The following GABBR2 variants were observed in gnomAD, a reference collection of about 807,000 sequenced individuals.
The protein encoded by GABBR2 is gamma-aminobutyric acid type B receptor subunit 2, also known as G-protein coupled receptor 51.
A neutral mutation model predicts 105.6 loss-of-function variants in GABBR2; 23 were observed. The ratio of observed to expected loss-of-function variants is 0.22; its 90% CI spans 0.16 to 0.31. GABBR2 has a LOEUF of 0.31. GABBR2 is among the 10% of genes least tolerant of loss of function. The pLI is 1.00. For synonymous variants in GABBR2, 478 were observed against 499.7 expected (o/e 0.96, Z 0.58); for missense variants, 734 against 1,245.5 (o/e 0.59, Z 6.18).
intron 17 of GABBR2, among the ~76,000 whole-genome samples, chr9:98,295,362 G>A (rs1168202387): frequency 1.3e-5 from 2 of 152,156 alleles, no homozygotes; most frequent in African/African-American, 4.8e-5. Flanking sequence ...TGTTTAAAAT[G>A]GCCCCCAAGC....
At chr9:98,604,372 C>T (rs1327238368) in intron 1 of GABBR2, among the ~76,000 whole-genome samples, 3 of 152,214 alleles carry the variant, frequency 2.0e-5, no homozygotes, top group African/African-American at 4.8e-5. Context: ...TGCAGGTTCA[C>T]CGAAGTTCTC....
intron 7 of GABBR2, among the ~76,000 whole-genome samples, chr9:98,446,707 G>A (rs1307694663): frequency 2.8e-4 from 42 of 152,140 alleles, no homozygotes; most frequent in Non-Finnish European, 1.5e-5. Context: ...TTGCTCCCGG[G>A]CAGCAGACAA....
At chr9:98,637,709 T>TGGAAAA (rs1829899314) in intron 1 of GABBR2, among the ~76,000 whole-genome samples, 1 of 152,108 alleles carries the variant, frequency 6.6e-6, no homozygotes, top group Admixed American at 6.6e-5. Flanking sequence ...TTCTAGAAGC[T>TGGAAAA]GGAAAAGGCA....
intron 3 of GABBR2, among the ~76,000 whole-genome samples, chr9:98,537,732 TG>T (rs1828210418): frequency 6.6e-6 from 1 of 152,100 alleles, no homozygotes. Context: ...CCACCACACC[TG>T]GCCAACATAA....
intron 3 of GABBR2, among the ~76,000 whole-genome samples, chr9:98,539,909 C>A (rs576102743): frequency 2.4e-5 from 3 of 124,190 alleles, no homozygotes; most frequent in African/African-American, 3.2e-5. Context: ...AGTGAGACTT[C>A]GTCTAAAAAA....
intron 13 of GABBR2, among the ~76,000 whole-genome samples, chr9:98,323,438 T>G (rs1034082551): frequency 2.0e-5 from 3 of 152,206 alleles, no homozygotes; most frequent in African/African-American, 7.2e-5. Context: ...TCCCCATAGT[T>G]CCTGCCTGGC....
intron 8 of GABBR2, among the ~76,000 whole-genome samples, chr9:98,397,359 C>G (rs909526646): frequency 2.0e-5 from 3 of 152,164 alleles, no homozygotes; most frequent in Admixed American, 6.5e-5. Flanking sequence ...ACAAACATTA[C>G]TGGACACCCA....
At chr9:98,323,683 C>G (rs1830866116) in intron 13 of GABBR2, among the ~76,000 whole-genome samples, 1 of 152,226 alleles carries the variant, frequency 6.6e-6, no homozygotes, top group Admixed American at 6.5e-5. Flanking sequence ...CCAGCCTAGA[C>G]CTTGAGGCAG....
At chr9:98,368,898 G>A (rs571069190) in intron 12 of GABBR2, among the ~76,000 whole-genome samples, 13 of 152,280 alleles carry the variant, frequency 8.5e-5, no homozygotes, top group South Asian at 6.2e-4. Flanking sequence ...AAGGATTCCC[G>A]TTCATTAGGG....
At chr9:98,417,516 C>T (rs1832710127) in intron 7 of GABBR2, among the ~76,000 whole-genome samples, 1 of 152,142 alleles carries the variant, frequency 6.6e-6, no homozygotes, top group African/African-American at 2.4e-5. Flanking sequence ...GTTCTAGTCC[C>T]AGTTCTGTCC....
intron 1 of GABBR2, among the ~76,000 whole-genome samples, chr9:98,669,471 C>A (rs1310567744): frequency 6.6e-6 from 1 of 152,118 alleles, no homozygotes; most frequent in African/African-American, 2.4e-5. Flanking sequence ...AAATTCAGTT[C>A]TTCTCAATCA....
At chr9:98,295,593 T>G (rs1830367561) in intron 17 of GABBR2, among the ~76,000 whole-genome samples, 1 of 152,146 alleles carries the variant, frequency 6.6e-6, no homozygotes, top group East Asian at 1.9e-4. Context: ...GGTGCCATCT[T>G]GGGCTCACTG....
At chr9:98,405,061 T>C (rs1366303449) in intron 8 of GABBR2, among the ~76,000 whole-genome samples, 1 of 152,128 alleles carries the variant, frequency 6.6e-6, no homozygotes, top group East Asian at 1.9e-4. Context: ...AAATGCATAC[T>C]GAAGTATTTA....
rs185459570 is a variant in GABBR2, at chr9:98,336,896, C to T, written c.1894-25691G>A. ...GATATAAGTAGGTTGAAAGTCTATC[C>T]GAGAATTTTTTGGCTATTCAGGAAA... On this transcript the variant is annotated intron_variant, in intron 13 of 18. Transcript: ENST00000259455. Among the ~76,000 whole-genome samples, 193 of 152,026 alleles carry T rather than the reference C, an allele frequency of 1.3e-3. 1 individual carries two copies. Among genetic ancestry groups the T allele is most frequent in the African/African-American group, 4.4e-3 (182 of 41,436 alleles).
At chr9:98,658,804 T>C (rs879697380) in intron 1 of GABBR2, among the ~76,000 whole-genome samples, 1 of 152,154 alleles carries the variant, frequency 6.6e-6, no homozygotes, top group Non-Finnish European at 1.5e-5. Context: ...ACAAGCCACG[T>C]TAGTACTAGT....
At chr9:98,383,531 A>G (rs898302797) in intron 11 of GABBR2, among the ~76,000 whole-genome samples, 10 of 152,202 alleles carry the variant, frequency 6.6e-5, no homozygotes, top group African/African-American at 2.4e-4. Flanking sequence ...GGGGTTTGAC[A>G]GTCATGCAGG....
At position 98,293,912 on chromosome 9, in the gene GABBR2, AAAC is replaced by A. The variant is rs764339496; in HGVS notation, c.2543-13_2543-11del. 9.8e-6 allele frequency: 14 copies of A among 1,423,918 alleles called. No individual in the cohort carries two copies. The highest frequency in any genetic ancestry group is 6.8e-5 in the East Asian group (3 of 44,026). The allele number at this position is 1,423,918 out of a possible 1,614,324, so 88.2% of individuals were successfully genotyped here. A position where few individuals can be genotyped will look rare whatever the true frequency, so the allele number is the denominator to read the frequency against. ...ATGGCCTTTCCTCCATCTGAATGCA[AAAC>A]AACAATACCACAACATGTTCGGTTA... On this transcript the variant is annotated splice_polypyrimidine_tract_variant and intron_variant, in intron 17 of 18. Transcript: ENST00000259455.
At chr9:98,405,934 G>A (rs1832482084) in intron 8 of GABBR2, 147 bp downstream of exon 8, 1 of 612,528 alleles carries the variant, frequency 1.6e-6, no homozygotes, top group Non-Finnish European at 2.9e-6. Flanking sequence ...TGAAACTAAT[G>A]TTTTCAGAAA....
intron 2 of GABBR2, among the ~76,000 whole-genome samples, chr9:98,554,369 AAAAGAAAAG>A (rs1463173524): frequency 6.6e-6 from 1 of 152,234 alleles, no homozygotes; most frequent in African/African-American, 2.4e-5. Context: ...GAAAGAAAGA[AAAAGAAAAG>A]AAAGAAAAGA....
Sources: gnomAD v4.1 joint callset for allele counts (sites outside exome capture counted in the v4.1 genomes callset) on GRCh38, gnomAD v4.1.1 for gene constraint, MANE v1.5 for transcripts, NCBI Gene and HGNC (gene_info 2026-07-23, HGNC 2026-07-21) for gene names.